Variants in MICAL3 observed in about 807,000 individuals in gnomAD.
MICAL3 encodes [F-actin]-monooxygenase MICAL3.
In MICAL3, 62 loss-of-function variants were observed where a neutral mutation model predicts 207.4. That is an observed-to-expected ratio of 0.30 (90% confidence interval 0.24 to 0.37). The LOEUF is 0.37. Among genes scored for constraint, MICAL3 ranks in the 10% least tolerant of loss-of-function variants. The probability of loss-of-function intolerance (pLI) is 1.00; values close to 1 mark genes in which losing one functional copy is unlikely to be tolerated. For missense variants in MICAL3, 2,368 were observed against 2,635.6 expected, an observed-to-expected ratio of 0.90 and a Z score of 2.22; for synonymous variants, 1,077 against 1,069.3, an observed-to-expected ratio of 1.01 and a Z score of -0.14.
At chr22:17,844,797 A>G (rs1042745089) in intron 19 of MICAL3, among the ~76,000 whole-genome samples, 3 of 152,230 alleles carry the variant, frequency 2.0e-5, no homozygotes, top group Admixed American at 6.5e-5. Context: ...GGGCTAGGGC[A>G]TCTTGAAGAT....
At chr22:17,954,750 CTT>C (rs60984165) in intron 1 of MICAL3, among the ~76,000 whole-genome samples, 8 of 144,440 alleles carry the variant, frequency 5.5e-5, no homozygotes, top group Non-Finnish European at 4.6e-5. Context: ...AAGTCTTTTC[CTT>C]TTTTTTTTTT....
chr22:17,790,610 C>T lies in MICAL3; in HGVS notation c.*122G>A, dbSNP rs191738280. 217 of 875,958 alleles carry T rather than the reference C, an allele frequency of 2.5e-4. 1 individual carries two copies. Among genetic ancestry groups the T allele is most frequent in the Admixed American group, 4.4e-4 (16 of 35,976 alleles). 54.3% of individuals were successfully genotyped at this position (875,958 alleles called of 1,614,324 possible). ...ACTCGACCACTTTCCAAGCAGCACA[C>T]GGGCATCTGAGCGTAAACTCCAAGG... On this transcript the variant is annotated 3_prime_UTR_variant, in exon 32 of 32. Coordinates refer to ENST00000441493, the MANE Select transcript of MICAL3 (RefSeq NM_015241.3).
intron 3 of MICAL3, among the ~76,000 whole-genome samples, chr22:17,903,883 G>A (rs1448351279): frequency 6.6e-6 from 1 of 152,228 alleles, no homozygotes. Flanking sequence ...AAGCTTTCCT[G>A]AAAGCATTAA....
intron 21 of MICAL3, among the ~76,000 whole-genome samples, chr22:17,828,483 T>C (rs774221541): frequency 4.6e-5 from 7 of 152,070 alleles, no homozygotes; most frequent in Non-Finnish European, 7.4e-5. Flanking sequence ...CAGTGGAGGG[T>C]AGAGTCAGGG....
chr22:17,868,256 G>A (rs1360411815), intron 17 of MICAL3, among the ~76,000 whole-genome samples: 3 of 151,562 alleles, frequency 2.0e-5, no homozygotes, highest in Admixed American at 6.6e-5. Flanking sequence ...CACAAGTCAC[G>A]TGTACGCATC....
intron 1 of MICAL3, chr22:18,019,761 C>A (rs1056468331): frequency 4.8e-6 from 1 of 208,414 alleles, no homozygotes. Context: ...TCTTGGAATG[C>A]GGCTTTTTTG....
chr22:17,945,553 G>A (rs1299390293), intron 1 of MICAL3, among the ~76,000 whole-genome samples: 1 of 152,190 alleles, frequency 6.6e-6, no homozygotes, highest in Admixed American at 6.5e-5. Context: ...AAAACAGCAG[G>A]ATTCACATGA....
At chr22:17,805,505 G>A (rs1429499822) in intron 29 of MICAL3, among the ~76,000 whole-genome samples, 1 of 152,224 alleles carries the variant, frequency 6.6e-6, no homozygotes, top group Non-Finnish European at 1.5e-5. Flanking sequence ...TCCCAACAGA[G>A]CTACTAAGGC....
chr22:18,022,825 A>T (rs1924572629), intron 1 of MICAL3, among the ~76,000 whole-genome samples: 1 of 152,174 alleles, frequency 6.6e-6, no homozygotes, highest in African/African-American at 2.4e-5. Context: ...GCAGCCATGA[A>T]GTCCACAAAT....
chr22:17,863,180 G>A, intron 19 of MICAL3: 3 of 985,444 alleles, frequency 3.0e-6, no homozygotes, highest in Non-Finnish European at 3.6e-6. Flanking sequence ...AGATGGGAAA[G>A]TCAGCAAACC....
At chr22:18,014,763 G>A (rs1923948298) in intron 1 of MICAL3, among the ~76,000 whole-genome samples, 2 of 152,174 alleles carry the variant, frequency 1.3e-5, no homozygotes, top group South Asian at 4.1e-4. Context: ...GGAGGCTGAG[G>A]CAGGTGGAGC....
chr22:17,794,839 G>A (rs2061859003), intron 29 of MICAL3, among the ~76,000 whole-genome samples: 1 of 152,200 alleles, frequency 6.6e-6, no homozygotes, highest in Admixed American at 6.5e-5. Context: ...AGGGAGAGGA[G>A]TTTGGCAAGG....
chr22:17,819,086 G>T lies in MICAL3; in HGVS notation c.3575C>A (p.Ser1192Ter). The T allele has an allele frequency of 6.5e-7, 1 of 1,530,094 alleles. No individual in the cohort carries two copies. Among genetic ancestry groups the T allele is most frequent in the Non-Finnish European group, 8.8e-7 (1 of 1,137,066 alleles). The allele number at this position is 1,530,094 out of a possible 1,614,324, so 94.8% of individuals were successfully genotyped here. ...PPVPAATQEK[S>*]PEERLFPEPL... ...CTCAGGGAAAAGGCGCTCCTCAGGT[G>T]ATTTCTCCTGGGTGGCGGCAGGGAC... is the stretch of plus-strand genomic sequence containing the variant. The change falls in exon 26 of 32, where the codon TCA becomes TAA. Residue 1192 changes from serine to a stop codon, truncating the protein, a stop_gained. Coordinates refer to ENST00000441493, the MANE Select transcript of MICAL3 (RefSeq NM_015241.3). LOFTEE classifies it high-confidence loss of function.
At chr22:17,899,636 G>C in intron 6 of MICAL3, 88 bp from the exon 7 acceptor site, 1 of 811,846 alleles carries the variant, frequency 1.2e-6, no homozygotes, top group Non-Finnish European at 2.1e-6. Flanking sequence ...CAGGCCTACA[G>C]AGACAAGGGC....
At chr22:17,873,738 C>T (rs1569106991) in intron 16 of MICAL3, among the ~76,000 whole-genome samples, 1 of 152,278 alleles carries the variant, frequency 6.6e-6, no homozygotes, top group Non-Finnish European at 1.5e-5. Context: ...ACTTCCACGT[C>T]TCCATCATGA....
intron 1 of MICAL3, among the ~76,000 whole-genome samples, chr22:18,021,588 G>T (rs967694035): frequency 1.3e-5 from 2 of 152,254 alleles, no homozygotes; most frequent in African/African-American, 4.8e-5. Context: ...AAAGACTAAA[G>T]GGAAGGATGG....
chr22:17,928,222 G>C (rs984842868), intron 1 of MICAL3, among the ~76,000 whole-genome samples: 1 of 152,026 alleles, frequency 6.6e-6, no homozygotes, highest in Non-Finnish European at 1.5e-5. Context: ...GGCGCATCAC[G>C]AGGTCAGGAG....
At chr22:17,803,033 C>A (rs1011004717) in intron 29 of MICAL3, among the ~76,000 whole-genome samples, 5 of 152,190 alleles carry the variant, frequency 3.3e-5, no homozygotes, top group African/African-American at 1.2e-4. Flanking sequence ...TAGAGGGCAT[C>A]AGAACCCACT....
At chr22:18,012,742 A>G (rs965556181) in intron 1 of MICAL3, among the ~76,000 whole-genome samples, 1 of 152,210 alleles carries the variant, frequency 6.6e-6, no homozygotes, top group Non-Finnish European at 1.5e-5. Flanking sequence ...GTACTGTTAC[A>G]TGGTGATTTA....
Sources: gnomAD v4.1 joint callset for allele counts (sites outside exome capture counted in the v4.1 genomes callset) on GRCh38, gnomAD v4.1.1 for gene constraint, MANE v1.5 for transcripts, NCBI Gene and HGNC (gene_info 2026-07-23, HGNC 2026-07-21) for gene names.